Variants in CD3D observed in about 807,000 individuals in gnomAD.
CD3D encodes the protein T-cell surface glycoprotein CD3 delta chain.
A neutral mutation model predicts 22.0 loss-of-function variants in CD3D; 22 were observed. The observed-to-expected ratio is 1.00, with a 90% CI of 0.71 to 1.43. The LOEUF is 1.43. Among genes scored for constraint, CD3D ranks in the 40% most tolerant of loss-of-function variants. The pLI, the probability that CD3D is intolerant of heterozygous loss-of-function variation, is 0.00. For synonymous variants in CD3D, 74 were observed against 81.2 expected (o/e 0.91, Z 0.48); for missense variants, 205 against 211.7 (o/e 0.97, Z 0.20).
At position 118,340,572 on chromosome 11, in the gene CD3D, A is replaced by G. The variant is rs929117843; in HGVS notation, c.77T>C (p.Ile26Thr). The G allele has an allele frequency of 6.2e-6, 10 of 1,613,534 alleles. No individual in the cohort carries two copies. Among genetic ancestry groups the G allele is most frequent in the South Asian group, 3.3e-5 (3 of 91,052 alleles). ...AAACACTCTGTCCTCAAGTTCCTCT[A>G]TAGGTATCTTGAAGGGGCTCACTAA... ...LSQVSPFKIP[I>T]EELEDRVFVN... Residue 26 changes from isoleucine (I) to threonine (T), a missense_variant, in exon 2 of 5, where the codon ATA becomes ACA. Physicochemically the swap from Ile to Thr is moderately conservative, Grantham distance 89. Transcript: ENST00000300692.
intron 1 of CD3D, among the ~76,000 whole-genome samples, chr11:118,341,663 G>A (rs1217143265): frequency 6.6e-6 from 1 of 152,154 alleles, no homozygotes; most frequent in Non-Finnish European, 1.5e-5. Flanking sequence ...CCCTAGTGCA[G>A]CCAACTATTA....
chr11:118,341,239 T>A (rs1440435655), intron 1 of CD3D, among the ~76,000 whole-genome samples: 1 of 152,080 alleles, frequency 6.6e-6, no homozygotes, highest in African/African-American at 2.4e-5. Flanking sequence ...CCACCCTTGG[T>A]TAGAAGGAGG....
chr11:118,342,289 G>A (rs1948305965), intron 1 of CD3D, among the ~76,000 whole-genome samples: 1 of 151,986 alleles, frequency 6.6e-6, no homozygotes, highest in Non-Finnish European at 1.5e-5. Context: ...TCCTGCCTCA[G>A]CCTCTCAAAT....
chr11:118,342,460 C>T lies in CD3D; in HGVS notation c.55+93G>A, dbSNP rs976665087. ...CTCTGGGATTACTGGTGTGAGCCACCGTGCCTGGCAAGAAACACTTTCAAG... is the reference window on the plus strand; with the variant it reads ...CTCTGGGATTACTGGTGTGAGCCACTGTGCCTGGCAAGAAACACTTTCAAG... On this transcript the variant is annotated intron_variant, in intron 1 of 4. Coordinates refer to ENST00000300692, the MANE Select transcript of CD3D (RefSeq NM_000732.6). 12 of 1,164,670 alleles carry T rather than the reference C, an allele frequency of 1.0e-5. No homozygotes were observed. The East Asian group carries it at 1.7e-4, about 16-fold the overall frequency. 72.1% of individuals were successfully genotyped at this position (1,164,670 alleles called of 1,614,324 possible). A position where few individuals can be genotyped will look rare whatever the true frequency, so the allele number is the denominator to read the frequency against.
intron 2 of CD3D, 40 bp downstream of exon 2, chr11:118,340,335 C>G (rs1396613351): frequency 1.4e-6 from 2 of 1,480,540 alleles, no homozygotes; most frequent in Non-Finnish European, 1.9e-6. Context: ...CATCCAGAAG[C>G]CCTATCCATT....
intron 1 of CD3D, 135 bp from the exon 2 acceptor site, chr11:118,340,728 G>A: frequency 6.8e-6 from 5 of 734,650 alleles, no homozygotes; most frequent in Non-Finnish European, 7.3e-6. Flanking sequence ...AAGAGAGACA[G>A]AAGTCACAAG....
At position 118,339,076 on chromosome 11, in the gene CD3D, G is replaced by C; in HGVS notation, c.*86C>G. The stretch of plus-strand genomic sequence containing the variant: ...GCCTTAAGAAGCCCAGGCACCTGCT[G>C]AGTGAAAGAGGATATATTTATTGGC... On this transcript the variant is annotated 3_prime_UTR_variant, in exon 5 of 5. Coordinates refer to ENST00000300692, the MANE Select transcript of CD3D (RefSeq NM_000732.6). The C allele has an allele frequency of 8.2e-7, 1 of 1,216,612 alleles. No individual in the cohort carries two copies. The highest frequency in any genetic ancestry group is 1.2e-6 in the Non-Finnish European group (1 of 817,802). 75.4% of individuals were successfully genotyped at this position (1,216,612 alleles called of 1,614,324 possible).
chr11:118,339,345 G>T (rs1591277379), intron 4 of CD3D, 106 bp downstream of exon 4: 3 of 1,485,428 alleles, frequency 2.0e-6, no homozygotes, highest in South Asian at 2.3e-5. Flanking sequence ...ACCCAGCAAT[G>T]AACTCCCCAG....
At chr11:118,339,350 C>G in intron 4 of CD3D, 101 bp downstream of exon 4, 1 of 1,498,240 alleles carries the variant, frequency 6.7e-7, no homozygotes, top group Non-Finnish European at 9.3e-7. Context: ...GCAATGAACT[C>G]CCCAGTAGGA....
At chr11:118,341,135 A>T (rs1042494172) in intron 1 of CD3D, among the ~76,000 whole-genome samples, 3 of 152,178 alleles carry the variant, frequency 2.0e-5, no homozygotes, top group Admixed American at 2.0e-4. Flanking sequence ...AGGGCCAGGG[A>T]TGGCTGTGGG....
At chr11:118,341,938 G>T (rs1948303275) in intron 1 of CD3D, among the ~76,000 whole-genome samples, 2 of 152,196 alleles carry the variant, frequency 1.3e-5, no homozygotes, top group African/African-American at 4.8e-5. Flanking sequence ...CCTAAAAGGA[G>T]TAGTGCAGGA....
At chr11:118,342,457 C>T in intron 1 of CD3D, 96 bp downstream of exon 1, 1 of 1,116,426 alleles carries the variant, frequency 9.0e-7, no homozygotes. Flanking sequence ...TGGTGTGAGC[C>T]ACCGTGCCTG....
chr11:118,339,483 G>A lies in CD3D; in HGVS notation c.418C>T (p.Gln140Ter). 6.2e-7 allele frequency: 1 copy of A among 1,614,104 alleles called. No individual in the cohort carries two copies. Among genetic ancestry groups the A allele is most frequent in the Non-Finnish European group, 8.5e-7 (1 of 1,180,022 alleles). Residue 140 changes from glutamine to a stop codon, truncating the protein, a stop_gained, in exon 4 of 5, where the codon CAA becomes TAA. Transcript: ENST00000300692. LOFTEE classifies it high-confidence loss of function. ...TGRLSGAADT[Q>*]ALLRNDQVYQ... is the part of the protein sequence containing the mutation. Reference sequence around the variant, plus strand: ...ACCTGGTCATTCCTCAACAGAGCTTGTGTGTCGGCAGCTAGAAGAACCAGA... The same window carrying A: ...ACCTGGTCATTCCTCAACAGAGCTTATGTGTCGGCAGCTAGAAGAACCAGA...
At chr11:118,338,966 G>A, downstream of CD3D, 1 of 631,270 alleles carries the variant, frequency 1.6e-6, no homozygotes, top group South Asian at 1.6e-5. Context: ...TGAGGCAGAG[G>A]AAGGAAGGAG....
chr11:118,340,378 G>T lies in CD3D; in HGVS notation c.271C>A (p.Arg91=), dbSNP rs1172098673. The T allele has an allele frequency of 6.2e-7, 1 of 1,612,236 alleles. No individual in the cohort carries two copies. Among genetic ancestry groups the T allele is most frequent in the Admixed American group, 1.7e-5 (1 of 60,020 alleles). Residue 91 remains arginine, a synonymous_variant, in exon 2 of 5, where the codon CGA becomes AGA. Transcript: ENST00000300692. ...DKESTVQVHY[R]MCQSCVELDP... ...AAAGGGTTCAGGAAGCACGTACTTC[G>T]ATAATGAACTTGCACGGTAGATTCT...
At chr11:118,340,707 TG>T (rs959296545) in intron 1 of CD3D, 114 bp from the exon 2 acceptor site, 7 of 786,808 alleles carry the variant, frequency 8.9e-6, no homozygotes, top group Non-Finnish European at 1.3e-5. Flanking sequence ...GGACAGTTTA[TG>T]GCTTCCATCA....
intron 2 of CD3D, 61 bp downstream of exon 2, chr11:118,340,314 G>C (rs996898702): frequency 1.8e-5 from 24 of 1,327,032 alleles, no homozygotes; most frequent in East Asian, 1.1e-4. Context: ...TCTCTAGCCA[G>C]AAAGTTCTCA....
chr11:118,339,624 T>A, intron 3 of CD3D, 130 bp from the exon 4 acceptor site: 1 of 1,551,644 alleles, frequency 6.4e-7, no homozygotes, highest in Non-Finnish European at 8.8e-7. Context: ...GTTCTAGGAG[T>A]CTTTAGGAGA....
intron 1 of CD3D, among the ~76,000 whole-genome samples, chr11:118,341,529 C>T (rs1040060824): frequency 6.6e-6 from 1 of 152,172 alleles, no homozygotes. Flanking sequence ...AGCTGTTGCT[C>T]ACACTTCTGA....
Sources: gnomAD v4.1 joint callset for allele counts (sites outside exome capture counted in the v4.1 genomes callset) on GRCh38, gnomAD v4.1.1 for gene constraint, MANE v1.5 for transcripts, NCBI Gene and HGNC (gene_info 2026-07-23, HGNC 2026-07-21) for gene names.